Variants in ZNF684 observed in about 807,000 individuals in gnomAD.
ZNF684 encodes zinc finger protein 684.
A neutral mutation model predicts 12.8 loss-of-function variants in ZNF684; 13 were observed. The observed-to-expected ratio is 1.02, with a 90% CI of 0.66 to 1.62. The LOEUF is 1.62. Among genes scored for constraint, ZNF684 ranks in the 40% most tolerant of loss-of-function variants. The probability of loss-of-function intolerance (pLI) is 0.00; values close to 1 mark genes in which losing one functional copy is unlikely to be tolerated. For synonymous variants in ZNF684, 118 were observed against 151.8 expected (o/e 0.78, Z 1.64); for missense variants, 384 against 446.9 (o/e 0.86, Z 1.27).
In ZNF684 at chr1:40,532,373, T is replaced by TTC. The variant is rs772350635; in HGVS notation, c.-25+586_-25+587insTC. 2.3e-3 allele frequency among the ~76,000 whole-genome samples: 342 copies of TTC among 151,752 alleles called. 2 individuals are homozygous for TTC. Among genetic ancestry groups the TTC allele is most frequent in the Middle Eastern group, 0.01 (3 of 294 alleles). On this transcript the variant is annotated intron_variant, in intron 1 of 4. Coordinates refer to ENST00000372699, the MANE Select transcript of ZNF684 (RefSeq NM_152373.4). ...CTCCAAATTTCTTTTTTTTTTTTTT[T>TTC]ACAGTATAGCATTCCTGCATAAAAC...
intron 4 of ZNF684, among the ~76,000 whole-genome samples, chr1:40,546,191 G>A (rs1029372374): frequency 1.6e-4 from 24 of 152,130 alleles, no homozygotes; most frequent in Admixed American, 1.6e-3. Flanking sequence ...AAAGTGCTGG[G>A]GTTACAGGCG....
At chr1:40,545,609 C>T (rs56106053) in intron 4 of ZNF684, among the ~76,000 whole-genome samples, 22,217 of 152,088 alleles carry the variant, frequency 0.15, 1,827 homozygotes, top group Middle Eastern at 0.23. Flanking sequence ...CCTGGGCTTA[C>T]AAGTACAGGT....
chr1:40,546,528 G>A, intron 4 of ZNF684, 34 bp from the exon 5 acceptor site: 1 of 1,500,548 alleles, frequency 6.7e-7, no homozygotes, highest in Non-Finnish European at 8.9e-7. Flanking sequence ...ATGGGAAAAA[G>A]TAACTAGGAA....
intron 2 of ZNF684, among the ~76,000 whole-genome samples, chr1:40,539,181 C>T (rs1338690900): frequency 1.3e-5 from 2 of 152,004 alleles, no homozygotes; most frequent in Non-Finnish European, 2.9e-5. Flanking sequence ...AGGCGCATGC[C>T]ACCACACCCG....
At chr1:40,536,293 C>T (rs1201956376) in intron 2 of ZNF684, among the ~76,000 whole-genome samples, 4 of 150,660 alleles carry the variant, frequency 2.7e-5, no homozygotes, top group African/African-American at 9.8e-5. Flanking sequence ...ACTCAGTAGG[C>T]TGAGGCAGGA....
rs1646016739 is a variant in ZNF684 at position 40,541,600 on chromosome 1, T to G, written c.143-15T>G. The G allele has an allele frequency of 6.2e-7, 1 of 1,609,888 alleles. No individual in the cohort carries two copies. On this transcript the variant is annotated splice_polypyrimidine_tract_variant and intron_variant, in intron 3 of 4. Transcript: ENST00000372699. ...GCACTTTGGCCCCACTTCTATGCTG[T>G]TTTCCCACCAACAGGATGTCCAATT...
intron 2 of ZNF684, among the ~76,000 whole-genome samples, chr1:40,537,424 CCA>C (rs775111304): frequency 1.2e-3 from 182 of 152,210 alleles, no homozygotes; most frequent in Non-Finnish European, 9.6e-4. Context: ...AATTATCATA[CCA>C]CAAAAGTGAC....
intron 2 of ZNF684, among the ~76,000 whole-genome samples, chr1:40,536,559 A>T (rs1241776301): frequency 1.3e-5 from 2 of 148,512 alleles, no homozygotes; most frequent in African/African-American, 5.0e-5. Flanking sequence ...CATGTGCACA[A>T]TGTGCAGGTT....
rs757845818 is a variant in ZNF684, at chr1:40,547,410, G to A, written c.1087G>A (p.Ala363Thr). 2.5e-6 allele frequency: 4 copies of A among 1,611,778 alleles called. No homozygotes were observed. Among genetic ancestry groups the A allele is most frequent in the Non-Finnish European group, 3.4e-6 (4 of 1,178,576 alleles). Residue 363 changes from alanine to threonine, a missense_variant, in exon 5 of 5, where the codon GCA becomes ACA. Physicochemically the swap from Ala to Thr is moderately conservative, Grantham distance 58. Transcript: ENST00000372699. ...KPYECNRCGK[A>T]FSQKSNLIVH... ...CTATGAATGTAACAGATGTGGGAAA[G>A]CATTTTCCCAGAAGTCAAATCTTAT...
intron 4 of ZNF684, among the ~76,000 whole-genome samples, chr1:40,543,703 G>A (rs187099662): frequency 3.2e-4 from 49 of 152,168 alleles, no homozygotes; most frequent in African/African-American, 1.1e-3. Flanking sequence ...TGATCCTCCC[G>A]CCTTGGCCTC....
chr1:40,543,582 G>A (rs1005610225), intron 4 of ZNF684, among the ~76,000 whole-genome samples: 9 of 151,326 alleles, frequency 5.9e-5, no homozygotes, highest in Non-Finnish European at 7.4e-5. Context: ...TCAGCCTCCC[G>A]AGTAGCTGGG....
Position 40,547,311 on chromosome 1 carries a change from A to G in ZNF684, c.988A>G (p.Ile330Val), listed in dbSNP as rs1570116624. 6.2e-7 allele frequency: 1 copy of G among 1,614,000 alleles called. No individual in the cohort carries two copies. The highest frequency in any genetic ancestry group is 8.5e-7 in the Non-Finnish European group (1 of 1,179,914). The change falls in exon 5 of 5, where the codon ATT becomes GTT. Residue 330 changes from isoleucine to valine, a missense_variant. Physicochemically the swap from Ile to Val is conservative, Grantham distance 29. Coordinates refer to ENST00000372699, the MANE Select transcript of ZNF684 (RefSeq NM_152373.4). Reference protein sequence around the residue: ...IHTGEKPYSCIECGKAFIKKS... With the variant: ...IHTGEKPYSCVECGKAFIKKS... ...TACAGGAGAGAAACCTTACAGTTGT[A>G]TTGAATGTGGCAAAGCCTTCATCAA...
chr1:40,534,402 G>A (rs1252446587), intron 2 of ZNF684, among the ~76,000 whole-genome samples: 4 of 149,622 alleles, frequency 2.7e-5, no homozygotes, highest in Non-Finnish European at 4.5e-5. Flanking sequence ...CACCACGCCC[G>A]GCTAATTTTT....
intron 2 of ZNF684, among the ~76,000 whole-genome samples, chr1:40,534,438 A>C (rs1645973993): frequency 6.6e-6 from 1 of 150,640 alleles, no homozygotes; most frequent in African/African-American, 2.4e-5. Context: ...ACAGGGTTTC[A>C]CCATGTTGGT....
chr1:40,532,866 CTG>C lies in ZNF684; in HGVS notation c.-24-275_-24-274del, dbSNP rs1255791279. The stretch of plus-strand genomic sequence containing the variant: ...AAATTTCTGGGAGGAAAAAAAATAA[CTG>C]TTTCAAGAGGAACCACTTGGTGCTA... On this transcript the variant is annotated intron_variant, in intron 1 of 4. Transcript: ENST00000372699. Among the ~76,000 whole-genome samples, 4 of 152,150 alleles carry C rather than the reference CTG, an allele frequency of 2.6e-5. No homozygotes were observed. In the East Asian group the frequency reaches 5.8e-4, roughly 22 times the overall value.
In ZNF684 at chr1:40,546,589, C is replaced by T. The variant is rs1303613311; in HGVS notation, c.266C>T (p.Pro89Leu). 3 of 1,566,312 alleles carry T rather than the reference C, an allele frequency of 1.9e-6. No individual in the cohort carries two copies. Among genetic ancestry groups the T allele is most frequent in the African/African-American group, 1.4e-5 (1 of 72,924 alleles). ...PESDYPLVDE[P>L]GKHRESKDNF... ...TCTGACTACCCACTTGTTGATGAACCAGGGAAGCATCGGGAAAGCAAAGAC... is the reference window on the plus strand; with the variant it reads ...TCTGACTACCCACTTGTTGATGAACTAGGGAAGCATCGGGAAAGCAAAGAC... Residue 89 changes from proline to leucine, a missense_variant, in exon 5 of 5, where the codon CCA becomes CTA. Physicochemically the swap from Pro to Leu is moderately conservative, Grantham distance 98. Transcript: ENST00000372699.
At chr1:40,538,979 G>A (rs1236247611) in intron 2 of ZNF684, among the ~76,000 whole-genome samples, 2 of 152,038 alleles carry the variant, frequency 1.3e-5, no homozygotes, top group African/African-American at 2.4e-5. Flanking sequence ...TTGAAGCCAG[G>A]AGTACAAGAG....
chr1:40,548,078 G>T lies in ZNF684; in HGVS notation c.*618G>T, dbSNP rs1646059426. 1 of 152,176 alleles carries T rather than the reference G, an allele frequency of 6.6e-6. No individual in the cohort carries two copies. The highest frequency in any genetic ancestry group is 2.4e-5 in the African/African-American group (1 of 41,434). The allele number at this position is 152,176 out of a possible 1,614,324, so 9.4% of individuals were successfully genotyped here. ...CAAAAAACAAGACACTAATTGAGGAGAGAAAGGCACTTGTATTCTGTATTA... is the reference window on the plus strand; with the variant it reads ...CAAAAAACAAGACACTAATTGAGGATAGAAAGGCACTTGTATTCTGTATTA... On this transcript the variant is annotated 3_prime_UTR_variant, in exon 5 of 5. Coordinates refer to ENST00000372699, the MANE Select transcript of ZNF684 (RefSeq NM_152373.4).
intron 2 of ZNF684, among the ~76,000 whole-genome samples, chr1:40,535,732 C>G (rs887566862): frequency 7.2e-5 from 11 of 152,036 alleles, no homozygotes; most frequent in African/African-American, 2.7e-4. Context: ...CCTTAATATA[C>G]CAGTTTAGAG....
Sources: allele counts gnomAD v4.1 joint callset (sites outside exome capture counted in the v4.1 genomes callset), GRCh38; gene constraint gnomAD v4.1.1; transcripts MANE v1.5; gene names NCBI Gene and HGNC (gene_info 2026-07-23, HGNC 2026-07-21).